The following SRFBP1 variants were observed in gnomAD, a reference collection of about 807,000 sequenced individuals.
The protein encoded by SRFBP1 is serum response factor binding protein 1.
A neutral mutation model predicts 45.5 loss-of-function variants in SRFBP1; 47 were observed. The ratio of observed to expected loss-of-function variants is 1.03; its 90% CI spans 0.82 to 1.32. The LOEUF (loss-of-function observed/expected upper bound fraction) is 1.32, where lower values mean the gene tolerates loss of function less well. Among genes scored for constraint, SRFBP1 ranks in the 40% most tolerant of loss-of-function variants. SRFBP1 has a pLI of 0.00. For missense variants in SRFBP1, 621 were observed against 484.6 expected (o/e 1.28, Z -2.64); for synonymous variants, 203 against 166.3 (o/e 1.22, Z -1.70).
At chr5:122,042,118 C>T (rs1185095791) in intron 2 of SRFBP1, among the ~76,000 whole-genome samples, 1 of 151,644 alleles carries the variant, frequency 6.6e-6, no homozygotes, top group Non-Finnish European at 1.5e-5. Context: ...GTGCCTAGTG[C>T]ATTTTGACAA....
chr5:122,074,367 C>T (rs1403397373), intron 2 of SRFBP1, among the ~76,000 whole-genome samples: 6 of 152,088 alleles, frequency 3.9e-5, no homozygotes, highest in Non-Finnish European at 7.4e-5. Context: ...TAAGGTTTAA[C>T]TTTGCTACTA....
intron 7 of SRFBP1, among the ~76,000 whole-genome samples, chr5:122,022,858 T>C (rs537833681): frequency 6.6e-6 from 1 of 152,356 alleles, no homozygotes; most frequent in South Asian, 2.1e-4. Flanking sequence ...CACACAATCC[T>C]AGACTTTCAC....
Position 121,961,978 on chromosome 5 carries a change from G to A in SRFBP1, c.-55G>A. ...TGAGGGGCGTGGCGACGCAGCCGCG[G>A]TCTGAGAGACCGGTTCACGTGCAGG... On this transcript the variant is annotated 5_prime_UTR_variant, in exon 1 of 8. Coordinates refer to ENST00000339397, the MANE Select transcript of SRFBP1 (RefSeq NM_152546.3). The A allele has an allele frequency of 1.2e-6, 2 of 1,612,584 alleles. No individual in the cohort carries two copies. Among genetic ancestry groups the A allele is most frequent in the Non-Finnish European group, 1.7e-6 (2 of 1,179,380 alleles).
At chr5:122,023,319 C>G (rs1207948895) in intron 7 of SRFBP1, among the ~76,000 whole-genome samples, 2 of 152,186 alleles carry the variant, frequency 1.3e-5, no homozygotes, top group African/African-American at 4.8e-5. Context: ...GCAGCCAACC[C>G]AAAGTCACAT....
chr5:122,006,281 C>A (rs1188984242), intron 4 of SRFBP1, among the ~76,000 whole-genome samples: 1 of 152,110 alleles, frequency 6.6e-6, no homozygotes, highest in African/African-American at 2.4e-5. Context: ...TTGGAACTCT[C>A]TTACATGTTA....
chr5:121,987,672 C>T (rs1227552970), intron 3 of SRFBP1, among the ~76,000 whole-genome samples: 1 of 152,060 alleles, frequency 6.6e-6, no homozygotes, highest in East Asian at 1.9e-4. Flanking sequence ...CCCTTATAAC[C>T]CAAATATACT....
chr5:122,070,031 T>A (rs1011538923), intron 2 of SRFBP1: 47 of 1,510,744 alleles, frequency 3.1e-5, no homozygotes, highest in Non-Finnish European at 4.3e-5. Flanking sequence ...AACAATTACT[T>A]AGCTAAGCAA....
intron 2 of SRFBP1, chr5:122,063,746 A>G (rs745937166): frequency 5.3e-5 from 8 of 151,960 alleles, no homozygotes; most frequent in Non-Finnish European, 4.4e-5. Context: ...GGAATTCAGT[A>G]TTTTCATGCA....
chr5:122,073,223 T>G (rs1182830193), intron 2 of SRFBP1, among the ~76,000 whole-genome samples: 3 of 152,144 alleles, frequency 2.0e-5, no homozygotes, highest in Non-Finnish European at 4.4e-5. Context: ...AATGTCCTTT[T>G]ACAAATTAGG....
intron 2 of SRFBP1, among the ~76,000 whole-genome samples, chr5:122,034,797 G>A (rs1452461298): frequency 2.0e-5 from 3 of 151,342 alleles, no homozygotes; most frequent in Non-Finnish European, 4.4e-5. Flanking sequence ...CTCATGGAAA[G>A]AATTTTTTGA....
At chr5:122,004,660 G>T (rs1752942433) in intron 4 of SRFBP1, among the ~76,000 whole-genome samples, 1 of 151,930 alleles carries the variant, frequency 6.6e-6, no homozygotes, top group Non-Finnish European at 1.5e-5. Flanking sequence ...TCTCTCATCT[G>T]TTTCTGCTCT....
chr5:122,021,778 G>A (rs1056921893), intron 6 of SRFBP1, among the ~76,000 whole-genome samples: 19 of 143,024 alleles, frequency 1.3e-4, no homozygotes, highest in African/African-American at 4.7e-4. Flanking sequence ...CCAGGTTCAA[G>A]CAATTCTCCT....
chr5:121,994,653 G>GA lies in SRFBP1; in HGVS notation c.259dup (p.Ile87AsnfsTer11), dbSNP rs1254592502. On this transcript the variant is annotated frameshift_variant, in exon 4 of 8. Coordinates refer to ENST00000339397, the MANE Select transcript of SRFBP1 (RefSeq NM_152546.3). LOFTEE classifies it high-confidence loss of function. ...TGCTCTTGGTGATGATATCAACTTT[G>GA]AAAAAATCTTCAAAAAGGTATATCT... 5 of 1,593,362 alleles carry GA rather than the reference G, an allele frequency of 3.1e-6. No homozygotes were observed. Among genetic ancestry groups the GA allele is most frequent in the Non-Finnish European group, 4.3e-6 (5 of 1,170,492 alleles).
chr5:122,063,158 A>G (rs1337579858), intron 2 of SRFBP1: 1 of 152,030 alleles, frequency 6.6e-6, no homozygotes, highest in East Asian at 1.9e-4. Context: ...AATGAAAATC[A>G]GATGATTTAT....
chr5:122,058,099 C>T (rs1754113290), intron 2 of SRFBP1, among the ~76,000 whole-genome samples: 1 of 152,086 alleles, frequency 6.6e-6, no homozygotes, highest in Non-Finnish European at 1.5e-5. Context: ...TCCATTTAAC[C>T]TCAAGCAGTT....
At chr5:122,010,970 T>G (rs1041369949) in intron 4 of SRFBP1, among the ~76,000 whole-genome samples, 6 of 152,192 alleles carry the variant, frequency 3.9e-5, no homozygotes, top group Non-Finnish European at 5.9e-5. Flanking sequence ...TATCCATGTT[T>G]AGTTAGCCCC....
At chr5:121,992,395 G>T (rs1752637335) in intron 3 of SRFBP1, among the ~76,000 whole-genome samples, 1 of 151,610 alleles carries the variant, frequency 6.6e-6, no homozygotes, top group African/African-American at 2.4e-5. Flanking sequence ...TGTTGTTGTT[G>T]TTGTTTTGTT....
chr5:122,075,448 T>C lies in SRFBP1; in HGVS notation n.445T>C, dbSNP rs1246690183. On this transcript the variant is annotated non_coding_transcript_exon_variant, in exon 3 of 3. Transcript: ENST00000504881. ...CCCAGGAATATCTTGGTCGGCTGGG[T>C]AAGAAATCTGATGTCCCTTGGTTTT... is the stretch of plus-strand genomic sequence containing the variant. 1.2e-6 allele frequency: 2 copies of C among 1,613,848 alleles called. No homozygotes were observed. Among genetic ancestry groups the C allele is most frequent in the Non-Finnish European group, 8.5e-7 (1 of 1,179,850 alleles).
intron 3 of SRFBP1, among the ~76,000 whole-genome samples, chr5:121,988,135 G>C (rs1033098142): frequency 6.6e-6 from 1 of 152,084 alleles, no homozygotes; most frequent in Non-Finnish European, 1.5e-5. Flanking sequence ...TAGAAAACAT[G>C]AATAATATTA....
Sources: gnomAD v4.1 joint callset for allele counts (sites outside exome capture counted in the v4.1 genomes callset) on GRCh38, gnomAD v4.1.1 for gene constraint, MANE v1.5 for transcripts, NCBI Gene and HGNC (gene_info 2026-07-23, HGNC 2026-07-21) for gene names.